The following POLR1B variants were observed in gnomAD, a reference collection of about 807,000 sequenced individuals.
The protein encoded by POLR1B is DNA-directed RNA polymerase I subunit RPA2.
Under a neutral mutation model 105.8 loss-of-function variants are expected in POLR1B, and 30 were observed. That is an observed-to-expected ratio of 0.28 (90% CI 0.21 to 0.38). The LOEUF is 0.38. Ranked by LOEUF, POLR1B falls within the 10% of genes least tolerant of loss-of-function variation. POLR1B has a pLI of 1.00. For synonymous variants in POLR1B, 485 were observed against 505.1 expected (o/e 0.96, Z 0.53); for missense variants, 976 against 1,435.8 (o/e 0.68, Z 5.17).
intron 3 of POLR1B, chr2:112,548,320 A>T (rs1286653854): frequency 6.6e-6 from 1 of 152,200 alleles, no homozygotes; most frequent in Non-Finnish European, 1.5e-5. Flanking sequence ...AATCTCCCTG[A>T]GCCTCAGTTT....
intron 9 of POLR1B, among the ~76,000 whole-genome samples, chr2:112,560,105 G>A (rs1683895594): frequency 2.0e-5 from 3 of 151,818 alleles, no homozygotes; most frequent in African/African-American, 7.3e-5. Flanking sequence ...AAGTGTTATA[G>A]GTACTTTGTT....
intron 1 of POLR1B, among the ~76,000 whole-genome samples, chr2:112,546,544 CTTTTTTTTTTTTT>C (rs869087985): frequency 5.6e-5 from 3 of 53,188 alleles, no homozygotes; most frequent in East Asian, 7.5e-4. Flanking sequence ...CTGGAGGTAG[CTTTTTTTTTTTTT>C]TTTTTTTTTT....
rs1191205955 is a variant in POLR1B, at chr2:112,547,686, T to A, written c.492+119T>A. 13 of 1,138,416 alleles carry A rather than the reference T, an allele frequency of 1.1e-5. 1 individual carries two copies. The highest frequency in any genetic ancestry group is 2.2e-4 in the Middle Eastern group (1 of 4,554). 70.5% of individuals were successfully genotyped at this position (1,138,416 alleles called of 1,614,324 possible). A position where few individuals can be genotyped will look rare whatever the true frequency, so the allele number is the denominator to read the frequency against. On this transcript the variant is annotated intron_variant, in intron 3 of 14. Coordinates refer to ENST00000263331, the MANE Select transcript of POLR1B (RefSeq NM_019014.6). ...AATTTCTGGATAGGTGAAAGAGATA[T>A]CAGTATCTTGCCTGCATACAGTGTA...
At position 112,551,844 on chromosome 2, in the gene POLR1B, C is replaced by T. The variant is rs758560904; in HGVS notation, c.832C>T (p.Leu278Phe). 3 of 1,613,986 alleles carry T rather than the reference C, an allele frequency of 1.9e-6. No homozygotes were observed. The highest frequency in any genetic ancestry group is 2.5e-6 in the Non-Finnish European group (3 of 1,180,006). Residue 278 changes from leucine to phenylalanine, a missense_variant, in exon 6 of 15, where the codon CTT becomes TTT. By Grantham distance (22) the Leu-to-Phe change is conservative (BLOSUM62 0). Around this residue, in one of 12 missense-constraint regions of POLR1B, gnomAD observed 452 missense variants for 616.5 expected, o/e 0.73. Coordinates refer to ENST00000263331, the MANE Select transcript of POLR1B (RefSeq NM_019014.6). ...LIKGKEDDSF[L>F]RNSVSQMLRI... ...CAAAGGAAAAGAGGATGATTCTTTC[C>T]TTAGGAACTCTGTTTCTCAGATGTT...
chr2:112,559,401 A>G lies in POLR1B; in HGVS notation c.1439A>G (p.Lys480Arg). The G allele has an allele frequency of 6.2e-7, 1 of 1,614,236 alleles. No individual in the cohort carries two copies. The highest frequency in any genetic ancestry group is 1.1e-5 in the South Asian group (1 of 91,088). ...GTGCACAGAGGGGCTGATTTTGCCA[A>G]GATGAGGACCACCACAGTACGCAGG... The part of the protein sequence containing the change: ...RCVHRGADFA[K>R]MRTTTVRRLL... The change falls in exon 9 of 15, where the codon AAG becomes AGG. Residue 480 changes from lysine to arginine, a missense_variant. Around this residue, in one of 12 missense-constraint regions of POLR1B, gnomAD observed 452 missense variants for 616.5 expected, o/e 0.73. Transcript: ENST00000263331.
At chr2:112,568,613 T>C in intron 11 of POLR1B, 133 bp from the exon 12 acceptor site, 4 of 946,076 alleles carry the variant, frequency 4.2e-6, no homozygotes, top group Non-Finnish European at 6.2e-6. Context: ...TCCCAGTTGA[T>C]CCCTTCAGCA....
At chr2:112,547,370 C>T (rs368934780) in intron 2 of POLR1B, 51 bp from the exon 3 acceptor site, 195 of 1,573,460 alleles carry the variant, frequency 1.2e-4, no homozygotes, top group Non-Finnish European at 1.6e-4. Flanking sequence ...CATTTGTTCT[C>T]GTAAATGCAG....
intron 9 of POLR1B, among the ~76,000 whole-genome samples, chr2:112,563,764 T>C (rs1218265801): frequency 6.6e-6 from 1 of 151,986 alleles, no homozygotes; most frequent in Non-Finnish European, 1.5e-5. Context: ...TAGCCAAGCA[T>C]GATGGCACGC....
chr2:112,567,048 A>G (rs993077855), intron 10 of POLR1B, among the ~76,000 whole-genome samples: 2 of 151,814 alleles, frequency 1.3e-5, no homozygotes, highest in Non-Finnish European at 2.9e-5. Context: ...TTTGGTTAGC[A>G]TTGTGGAGCA....
intron 4 of POLR1B, 47 bp downstream of exon 4, chr2:112,549,446 C>CTTTTTTTTTTTTTTTTTTTTTTTTTT (rs376484413): frequency 1.2e-6 from 1 of 833,552 alleles, no homozygotes; most frequent in African/African-American, 2.0e-5. Flanking sequence ...AAATTTAAAA[C>CTTTTTTTTTTTTTTTTTTTTTTTTTT]TTTTTTTTTT....
At chr2:112,555,378 C>T (rs1418962039) in intron 7 of POLR1B, among the ~76,000 whole-genome samples, 1 of 151,944 alleles carries the variant, frequency 6.6e-6, no homozygotes, top group Admixed American at 6.6e-5. Context: ...CGGTGGCTCA[C>T]ACCTGTAATC....
At chr2:112,552,893 T>G in intron 7 of POLR1B, 77 bp downstream of exon 7, 1 of 1,283,168 alleles carries the variant, frequency 7.8e-7, no homozygotes, top group Non-Finnish European at 1.0e-6. Context: ...CAGCACTGTT[T>G]TCTGCATGTT....
At chr2:112,547,283 G>A (rs1683108092) in intron 2 of POLR1B, 104 bp downstream of exon 2, 4 of 1,495,548 alleles carry the variant, frequency 2.7e-6, no homozygotes, top group Non-Finnish European at 3.6e-6. Context: ...TGGTGCTATT[G>A]TCTAAGAGAT....
chr2:112,565,090 G>A (rs1316954850), intron 10 of POLR1B, among the ~76,000 whole-genome samples: 3 of 152,114 alleles, frequency 2.0e-5, no homozygotes, highest in Non-Finnish European at 2.9e-5. Flanking sequence ...GTGCTGTTTC[G>A]GACACTTGGG....
chr2:112,575,228 T>C lies in POLR1B; in HGVS notation c.2907T>C (p.Ala969=), dbSNP rs541577177. 20 of 1,614,222 alleles carry C rather than the reference T, an allele frequency of 1.2e-5. 1 individual carries two copies. The South Asian group carries it at 2.0e-4, about 16-fold the overall frequency. Residue 969 remains alanine, a synonymous_variant, in exon 15 of 15, where the codon GCT becomes GCC. Transcript: ENST00000263331. This position sits in a 1 kb window ranked among gnomAD's most constrained non-coding sequence, Gnocchi z 5.3. ...LEYFGEMLKA[A]GYNFYGTERL... ...ACTTTGGTGAGATGTTAAAGGCTGC[T>C]GGCTACAATTTCTATGGCACCGAGA...
chr2:112,549,176 G>C (rs1045293980), intron 3 of POLR1B, 91 bp from the exon 4 acceptor site: 22 of 1,394,842 alleles, frequency 1.6e-5, no homozygotes, highest in Non-Finnish European at 2.1e-5. Context: ...CCTATTCTGT[G>C]TGTTGTACTA....
rs34754362 is a variant in POLR1B, at chr2:112,575,249, C to T, written c.2928C>T (p.Thr976=). The T allele has an allele frequency of 1.1e-3, 1,807 of 1,614,014 alleles. 18 individuals carry two copies. The African/African-American group carries it at 0.021, about 19-fold the overall frequency. The change falls in exon 15 of 15, where the codon ACC becomes ACT. Residue 976 remains threonine (T), a synonymous_variant. Coordinates refer to ENST00000263331, the MANE Select transcript of POLR1B (RefSeq NM_019014.6). This position sits in a 1 kb window ranked among gnomAD's most constrained non-coding sequence, Gnocchi z 5.3. The part of the protein sequence containing the change: ...LKAAGYNFYG[T]ERLYSGISGL... ...CTGCTGGCTACAATTTCTATGGCACCGAGAGGTTATATAGTGGCATCAGTG... is the reference window on the plus strand; with the variant it reads ...CTGCTGGCTACAATTTCTATGGCACTGAGAGGTTATATAGTGGCATCAGTG...
intron 3 of POLR1B, 31 bp from the exon 4 acceptor site, chr2:112,549,235 GT>G: frequency 1.2e-6 from 2 of 1,610,108 alleles, no homozygotes; most frequent in Non-Finnish European, 1.7e-6. Context: ...ATGTATCTTT[GT>G]TTAACAAGTT....
At chr2:112,546,675 C>T (rs910549480) in intron 1 of POLR1B, among the ~76,000 whole-genome samples, 6 of 150,450 alleles carry the variant, frequency 4.0e-5, no homozygotes, top group African/African-American at 1.2e-4. Context: ...CATTCTCCTG[C>T]CTCAGCCTCC....
Sources: allele counts gnomAD v4.1 joint callset (sites outside exome capture counted in the v4.1 genomes callset), GRCh38; gene constraint gnomAD v4.1.1; regional missense constraint gnomAD v4.1.1; non-coding constraint Gnocchi (gnomAD v3.1); transcripts MANE v1.5; gene names NCBI Gene and HGNC (gene_info 2026-07-23, HGNC 2026-07-21).